SVEP1: variants seen among roughly 807,000 people sequenced by gnomAD.
SVEP1 encodes the protein sushi, von Willebrand factor type A, EGF and pentraxin domain containing 1.
SVEP1 carries 164 observed loss-of-function variants against 367.3 expected under a neutral mutation model. That is an observed-to-expected ratio of 0.45 (90% CI 0.39 to 0.51). The LOEUF (loss-of-function observed/expected upper bound fraction) is 0.51, where lower values mean the gene tolerates loss of function less well. Among genes scored for constraint, SVEP1 ranks in the 20% least tolerant of loss-of-function variants. SVEP1 has a pLI of 0.00. For synonymous variants in SVEP1, 1,666 were observed against 1,611.6 expected (o/e 1.03, Z -0.81); for missense variants, 4,117 against 4,425.3 (o/e 0.93, Z 1.98).
intron 14 of SVEP1, among the ~76,000 whole-genome samples, chr9:110,473,515 C>G (rs1310498263): frequency 2.6e-5 from 4 of 152,028 alleles, no homozygotes; most frequent in Admixed American, 6.6e-5. Context: ...CAAGATTATG[C>G]TATGTATGTA....
intron 43 of SVEP1, among the ~76,000 whole-genome samples, chr9:110,382,585 G>A (rs1827453985): frequency 1.3e-5 from 2 of 152,098 alleles, no homozygotes; most frequent in Admixed American, 6.5e-5. Flanking sequence ...GGGGTTCTCT[G>A]GATTTCCTGA....
chr9:110,400,764 T>C, intron 40 of SVEP1, 90 bp downstream of exon 40: 1 of 1,354,992 alleles, frequency 7.4e-7, no homozygotes, highest in Non-Finnish European at 9.9e-7. Context: ...GAGACCAAAG[T>C]CAGTAAAACA....
intron 28 of SVEP1, among the ~76,000 whole-genome samples, chr9:110,436,057 T>C (rs1828427097): frequency 6.6e-6 from 1 of 152,082 alleles, no homozygotes; most frequent in African/African-American, 2.4e-5. Flanking sequence ...TCAGAGGGAT[T>C]TGAAGCATTA....
Position 110,432,462 on chromosome 9 carries a change from C to A in SVEP1, c.5233G>T (p.Asp1745Tyr), listed in dbSNP as rs373340420. ...TAGTAGTTGCCAACATTTATCTCAC[C>A]AAGGCAGGATGGTGAAACGCCGTTC... ...SWNGVSPSCL[D>Y]VDECAVGSDC... is the part of the protein sequence containing the mutation. The change falls in exon 31 of 48, where the codon GAT becomes TAT. Residue 1745 changes from aspartate to tyrosine, a missense_variant and splice_region_variant. Physicochemically the swap from Asp to Tyr is radical, Grantham distance 160. Coordinates refer to ENST00000374469, the MANE Select transcript of SVEP1 (RefSeq NM_153366.4). 6.8e-6 allele frequency: 11 copies of A among 1,610,030 alleles called. No homozygotes were observed. The highest frequency in any genetic ancestry group is 7.6e-6 in the Non-Finnish European group (9 of 1,178,424).
chr9:110,375,428 A>G lies in SVEP1; in HGVS notation c.10540T>C (p.Cys3514Arg), dbSNP rs1827335393. 7.0e-7 allele frequency: 1 copy of G among 1,433,890 alleles called. No homozygotes were observed. Among genetic ancestry groups the G allele is most frequent in the African/African-American group, 1.5e-5 (1 of 67,440 alleles). 88.8% of individuals were successfully genotyped at this position (1,433,890 alleles called of 1,614,324 possible). Residue 3514 changes from cysteine (C) to arginine (R), a missense_variant, in exon 46 of 48, where the codon TGT (cysteine) becomes CGT (arginine). Cys to Arg is a radical substitution (Grantham distance 180). Around this residue, in one of 4 missense-constraint regions of SVEP1, gnomAD observed 1,765 missense variants for 1,781.1 expected, o/e 0.99. Transcript: ENST00000374469. ...CILPCLNGGRCVAPYQCDCPP... is the reference protein window; with the variant it reads ...CILPCLNGGRRVAPYQCDCPP... ...CAGTCACACTGGTAAGGGGCCACAC[A>G]GCGACCTCCGTTCAGACAGGGAAGA...
intron 45 of SVEP1, 109 bp from the exon 46 acceptor site, chr9:110,375,572 G>C (rs1827340167): frequency 2.1e-6 from 2 of 966,386 alleles, no homozygotes; most frequent in African/African-American, 1.7e-5. Context: ...TTTTGCAGGA[G>C]TGAAACCTTA....
intron 2 of SVEP1, 119 bp downstream of exon 2, chr9:110,549,730 A>G (rs1180124902): frequency 1.5e-6 from 2 of 1,294,018 alleles, no homozygotes; most frequent in Non-Finnish European, 1.1e-6. Flanking sequence ...ACACATGGGC[A>G]TCATATTCAG....
intron 40 of SVEP1, among the ~76,000 whole-genome samples, chr9:110,399,889 T>A: frequency 6.6e-6 from 1 of 152,322 alleles, no homozygotes; most frequent in East Asian, 1.9e-4. Context: ...GTTTCCTGAA[T>A]AACTAAATGA....
At position 110,398,541 on chromosome 9, in the gene SVEP1, T is replaced by C. The variant is rs368961617; in HGVS notation, c.9822+2313A>G. Reference sequence around the variant, plus strand: ...TCTGCACAGCAAAAGAAACTATCATTAGAGTGAACAGGCAACCTACAGAAT... The same window carrying C: ...TCTGCACAGCAAAAGAAACTATCATCAGAGTGAACAGGCAACCTACAGAAT... On this transcript the variant is annotated intron_variant, in intron 40 of 47. Transcript: ENST00000374469. 2.1e-3 allele frequency among the ~76,000 whole-genome samples: 323 copies of C among 151,674 alleles called. 1 individual carries two copies. The highest frequency in any genetic ancestry group is 4.0e-3 in the Non-Finnish European group (269 of 67,872).
intron 40 of SVEP1, among the ~76,000 whole-genome samples, chr9:110,391,479 A>C (rs1020318101): frequency 4.6e-5 from 7 of 151,862 alleles, no homozygotes; most frequent in Admixed American, 3.3e-4. Context: ...ACCATGTTGG[A>C]CAGGCTGGTC....
intron 1 of SVEP1, among the ~76,000 whole-genome samples, chr9:110,577,745 A>G (rs1404211575): frequency 6.6e-6 from 1 of 152,054 alleles, no homozygotes; most frequent in Non-Finnish European, 1.5e-5. Context: ...ATCATTAAGA[A>G]AAAAAAACAA....
intron 6 of SVEP1, among the ~76,000 whole-genome samples, chr9:110,499,469 C>G (rs192378093): frequency 6.6e-6 from 1 of 152,256 alleles, no homozygotes; most frequent in African/African-American, 2.4e-5. Flanking sequence ...CTTTCAAAAA[C>G]TTCTGATATT....
At chr9:110,452,099 C>A (rs1476609486) in intron 22 of SVEP1, among the ~76,000 whole-genome samples, 1 of 152,100 alleles carries the variant, frequency 6.6e-6, no homozygotes. Flanking sequence ...TAACACATAT[C>A]TAATAATTTA....
At chr9:110,396,903 C>T (rs1827771887) in intron 40 of SVEP1, among the ~76,000 whole-genome samples, 1 of 152,158 alleles carries the variant, frequency 6.6e-6, no homozygotes, top group African/African-American at 2.4e-5. Flanking sequence ...CAGCCAAATT[C>T]TACCAGAGGT....
At chr9:110,559,892 T>G (rs1000143484) in intron 1 of SVEP1, among the ~76,000 whole-genome samples, 2 of 152,134 alleles carry the variant, frequency 1.3e-5, no homozygotes, top group Non-Finnish European at 2.9e-5. Context: ...TTGAACACTA[T>G]TAAATTTAAG....
At chr9:110,513,886 C>T in intron 4 of SVEP1, 62 bp downstream of exon 4, 1 of 1,516,774 alleles carries the variant, frequency 6.6e-7, no homozygotes, top group Non-Finnish European at 8.9e-7. Context: ...CAAACACAAG[C>T]ACTATTTCTC....
intron 40 of SVEP1, among the ~76,000 whole-genome samples, chr9:110,391,347 T>C (rs1043823202): frequency 2.0e-5 from 3 of 151,608 alleles, no homozygotes; most frequent in African/African-American, 4.8e-5. Flanking sequence ...CTCGGCTCTC[T>C]GCAACCTCCA....
intron 3 of SVEP1, among the ~76,000 whole-genome samples, chr9:110,529,213 T>C (rs1262390696): frequency 2.0e-5 from 3 of 152,158 alleles, no homozygotes; most frequent in Admixed American, 6.6e-5. Context: ...GTGTTCTCTA[T>C]TCTGTTACAT....
intron 36 of SVEP1, among the ~76,000 whole-genome samples, chr9:110,415,308 T>G (rs1048457164): frequency 6.6e-6 from 1 of 151,936 alleles, no homozygotes; most frequent in African/African-American, 2.4e-5. Context: ...AACACCAGTA[T>G]AGGAGGAAAA....
Sources: gnomAD v4.1 joint callset for allele counts (sites outside exome capture counted in the v4.1 genomes callset) on GRCh38, gnomAD v4.1.1 for gene constraint, gnomAD v4.1.1 regional missense constraint, MANE v1.5 for transcripts, NCBI Gene and HGNC (gene_info 2026-07-23, HGNC 2026-07-21) for gene names.